The following ECPAS variants were observed in gnomAD, a reference collection of about 807,000 sequenced individuals.
ECPAS encodes the protein proteasome adapter and scaffold protein ECM29.
In ECPAS, 70 loss-of-function variants were observed where a neutral mutation model predicts 255.1. That is an observed-to-expected ratio of 0.27 (90% confidence interval 0.23 to 0.33). The LOEUF (loss-of-function observed/expected upper bound fraction) is 0.33. ECPAS is among the 10% of genes least tolerant of loss of function. The pLI, the probability that ECPAS is intolerant of heterozygous loss-of-function variation, is 1.00. For missense variants in ECPAS, 1,817 were observed against 2,206.4 expected (o/e 0.82, Z 3.54); for synonymous variants, 784 against 775.0 (o/e 1.01, Z -0.19).
intron 36 of ECPAS, among the ~76,000 whole-genome samples, chr9:111,376,960 T>C (rs2098134018): frequency 1.3e-5 from 2 of 152,254 alleles, no homozygotes; most frequent in African/African-American, 4.8e-5. Context: ...GAAGGTATTT[T>C]AATCTAACAA....
At position 111,391,746 on chromosome 9, in the gene ECPAS, G is replaced by C; in HGVS notation, c.3161+10C>G. On this transcript the variant is annotated intron_variant, in intron 29 of 49. Coordinates refer to ENST00000684092, the MANE Select transcript of ECPAS (RefSeq NM_001364929.1). ...AGATGTTTACCATTCAATGGATTTA[G>C]CATACTTACCCATCTGGTGTTTTGC... The C allele has an allele frequency of 6.5e-7, 1 of 1,547,728 alleles. No individual in the cohort carries two copies. The highest frequency in any genetic ancestry group is 8.9e-7 in the Non-Finnish European group (1 of 1,122,502).
chr9:111,478,073 A>G (rs1589245453), intron 1 of ECPAS, among the ~76,000 whole-genome samples: 3 of 151,418 alleles, frequency 2.0e-5, no homozygotes, highest in Admixed American at 2.0e-4. Context: ...GCTAATTTTT[A>G]TATTTTTTGT....
intron 8 of ECPAS, 78 bp from the exon 9 acceptor site, chr9:111,430,706 A>G (rs1589188945): frequency 2.5e-6 from 2 of 813,990 alleles, no homozygotes; most frequent in East Asian, 5.4e-5. Context: ...TATAGCCCCA[A>G]CATTTCTTAA....
rs542232440 is a variant in ECPAS at position 111,391,889 on chromosome 9, C to T, written c.3093-65G>A. ...CATACCAACATTCAACTAGCCAATA[C>T]GATTCATTTACAAAGTGATAAAACT... is the stretch of plus-strand genomic sequence containing the variant. On this transcript the variant is annotated intron_variant, in intron 28 of 49. Coordinates refer to ENST00000684092, the MANE Select transcript of ECPAS (RefSeq NM_001364929.1). 434 of 1,015,206 alleles carry T rather than the reference C, an allele frequency of 4.3e-4. No homozygotes were observed. The African/African-American group carries it at 5.3e-3, about 12-fold the overall frequency. 62.9% of individuals were successfully genotyped at this position (1,015,206 alleles called of 1,614,324 possible). A position where few individuals can be genotyped will look rare whatever the true frequency, so the allele number is the denominator to read the frequency against.
intron 8 of ECPAS, among the ~76,000 whole-genome samples, chr9:111,431,832 C>T (rs1162579727): frequency 6.6e-6 from 1 of 152,106 alleles, no homozygotes; most frequent in Non-Finnish European, 1.5e-5. Flanking sequence ...GCCACAATTC[C>T]GCTATCCTCA....
chr9:111,432,940 G>C (rs1017786092), intron 8 of ECPAS, among the ~76,000 whole-genome samples: 4 of 152,114 alleles, frequency 2.6e-5, no homozygotes, highest in African/African-American at 9.7e-5. Context: ...TCTTGGAACT[G>C]ACACTTTTCT....
intron 1 of ECPAS, among the ~76,000 whole-genome samples, chr9:111,480,292 C>CTTTT (rs398011866): frequency 0.013 from 803 of 63,548 alleles, 3 homozygotes; most frequent in Middle Eastern, 0.037. Context: ...AGCACCTTTT[C>CTTTT]TTTTTTTTTT....
intron 43 of ECPAS, among the ~76,000 whole-genome samples, chr9:111,371,198 G>C (rs1390915196): frequency 6.6e-6 from 1 of 152,134 alleles, no homozygotes. Context: ...AAAAATAACT[G>C]TTACTAATTC....
At chr9:111,472,231 C>G (rs969397299) in intron 2 of ECPAS, among the ~76,000 whole-genome samples, 6 of 151,010 alleles carry the variant, frequency 4.0e-5, no homozygotes, top group African/African-American at 1.5e-4. Flanking sequence ...CTGGGTGACA[C>G]AGCGAGACCC....
chr9:111,482,664 G>A (rs952336273), intron 1 of ECPAS, among the ~76,000 whole-genome samples: 1 of 151,906 alleles, frequency 6.6e-6, no homozygotes, highest in Non-Finnish European at 1.5e-5. Context: ...AAAAAAAAAG[G>A]GAAAGAAAGA....
chr9:111,418,531 G>T (rs1459366181), intron 16 of ECPAS, among the ~76,000 whole-genome samples: 1 of 151,734 alleles, frequency 6.6e-6, no homozygotes, highest in Non-Finnish European at 1.5e-5. Context: ...CCACATAAAG[G>T]CCTTTTAATT....
chr9:111,423,074 C>A, intron 13 of ECPAS, 125 bp downstream of exon 13: 1 of 693,194 alleles, frequency 1.4e-6, no homozygotes. Flanking sequence ...TCTAAACAAC[C>A]TATGACCATT....
intron 6 of ECPAS, 123 bp from the exon 7 acceptor site, chr9:111,437,231 G>T: frequency 1.2e-6 from 1 of 802,592 alleles, no homozygotes; most frequent in Non-Finnish European, 1.7e-6. Context: ...ATGAACACTT[G>T]AAATTAAAAT....
At position 111,389,737 on chromosome 9, in the gene ECPAS, G is replaced by A. The variant is rs781639050; in HGVS notation, c.3280-14C>T. On this transcript the variant is annotated splice_polypyrimidine_tract_variant and intron_variant, in intron 30 of 49. Transcript: ENST00000684092. ...AAAAGCAGCACCCTAAAAATAATAG[G>A]CTGAAGTGACTCAGATGCACCATTA... 4.4e-6 allele frequency: 7 copies of A among 1,596,730 alleles called. No individual in the cohort carries two copies. The highest frequency in any genetic ancestry group is 3.5e-5 in the Admixed American group (2 of 56,742).
intron 37 of ECPAS, among the ~76,000 whole-genome samples, chr9:111,375,593 C>A (rs940267288): frequency 2.0e-5 from 3 of 152,140 alleles, no homozygotes; most frequent in Non-Finnish European, 4.4e-5. Context: ...GAGTCAACTT[C>A]TTAGATGACT....
intron 43 of ECPAS, 35 bp downstream of exon 43, chr9:111,371,586 G>A: frequency 6.5e-7 from 1 of 1,550,284 alleles, no homozygotes. Context: ...GATGAAGTCA[G>A]AATCCCTTTA....
intron 37 of ECPAS, among the ~76,000 whole-genome samples, chr9:111,375,823 T>C (rs2098132792): frequency 6.6e-6 from 1 of 152,208 alleles, no homozygotes; most frequent in African/African-American, 2.4e-5. Flanking sequence ...CAGTTTAACA[T>C]AGTTTTTTGT....
intron 1 of ECPAS, chr9:111,483,574 TG>T (rs530742549): frequency 0.017 from 2,549 of 152,982 alleles, 85 homozygotes; most frequent in African/African-American, 0.059. Flanking sequence ...AGGGAGGGGC[TG>T]GGGGGGCAGG....
At chr9:111,471,946 A>C (rs2098288838) in intron 2 of ECPAS, among the ~76,000 whole-genome samples, 2 of 151,920 alleles carry the variant, frequency 1.3e-5, no homozygotes. Context: ...CTACCAAAAA[A>C]AAAAATTAGC....
Sources: allele counts gnomAD v4.1 joint callset (sites outside exome capture counted in the v4.1 genomes callset), GRCh38; gene constraint gnomAD v4.1.1; transcripts MANE v1.5; gene names NCBI Gene and HGNC (gene_info 2026-07-23, HGNC 2026-07-21).